Variants in CNTNAP4 observed in about 807,000 individuals in gnomAD.
CNTNAP4 encodes the protein contactin associated protein family member 4, also known as contactin-associated protein-like 4.
Under a neutral mutation model 148.4 loss-of-function variants are expected in CNTNAP4, and 98 were observed. That is an observed-to-expected ratio of 0.66 (90% CI 0.56 to 0.78). The LOEUF is 0.78. CNTNAP4 is among the 30% of genes least tolerant of loss of function. The probability of loss-of-function intolerance (pLI) is 0.00; values close to 1 mark genes in which losing one functional copy is unlikely to be tolerated. For synonymous variants in CNTNAP4, 730 were observed against 565.1 expected (o/e 1.29, Z -4.14); for missense variants, 1,935 against 1,565.6 (o/e 1.24, Z -3.98).
chr16:76,439,966 A>G (rs969594338), intron 4 of CNTNAP4, among the ~76,000 whole-genome samples: 2 of 152,130 alleles, frequency 1.3e-5, no homozygotes, highest in African/African-American at 2.4e-5. Context: ...TGCTACTTTA[A>G]TATTTCACTA....
intron 2 of CNTNAP4, among the ~76,000 whole-genome samples, chr16:76,345,307 T>G (rs1348056797): frequency 6.6e-6 from 1 of 152,188 alleles, no homozygotes; most frequent in Non-Finnish European, 1.5e-5. Flanking sequence ...AGGCTCTGAC[T>G]GTTGAATGGT....
chr16:76,352,914 C>T (rs1227512446), intron 2 of CNTNAP4, among the ~76,000 whole-genome samples: 3 of 152,076 alleles, frequency 2.0e-5, no homozygotes, highest in African/African-American at 4.8e-5. Flanking sequence ...GTACCCTTCA[C>T]GGACAGCAGG....
chr16:76,383,664 G>C (rs1034766368), intron 3 of CNTNAP4, among the ~76,000 whole-genome samples: 3 of 152,124 alleles, frequency 2.0e-5, no homozygotes, highest in Non-Finnish European at 4.4e-5. Flanking sequence ...TGATAATACA[G>C]AACTATTGTG....
intron 15 of CNTNAP4, among the ~76,000 whole-genome samples, chr16:76,516,418 T>G (rs1395924635): frequency 6.6e-6 from 1 of 152,220 alleles, no homozygotes; most frequent in Non-Finnish European, 1.5e-5. Context: ...TGCAAATGAT[T>G]TATAATTCTT....
intron 1 of CNTNAP4, among the ~76,000 whole-genome samples, chr16:76,283,718 A>T (rs1400409999): frequency 1.3e-5 from 2 of 151,978 alleles, no homozygotes; most frequent in Non-Finnish European, 2.9e-5. Context: ...TACTAGGCTT[A>T]ATACCTGAGT....
intron 15 of CNTNAP4, among the ~76,000 whole-genome samples, chr16:76,500,666 A>G (rs2082602554): frequency 6.6e-6 from 1 of 150,896 alleles, no homozygotes; most frequent in African/African-American, 2.4e-5. Context: ...ACTTTAAACC[A>G]GTGGTGCATG....
At chr16:76,280,010 T>C (rs1958627365) in intron 1 of CNTNAP4, among the ~76,000 whole-genome samples, 1 of 152,182 alleles carries the variant, frequency 6.6e-6, no homozygotes, top group African/African-American at 2.4e-5. Context: ...AACCAGCATA[T>C]GCATTTCTAA....
At chr16:76,336,028 G>T (rs1161903892) in intron 2 of CNTNAP4, among the ~76,000 whole-genome samples, 1 of 152,084 alleles carries the variant, frequency 6.6e-6, no homozygotes, top group Non-Finnish European at 1.5e-5. Context: ...CTCCAGGGTT[G>T]ATGGAAAGGT....
chr16:76,462,017 G>C lies in CNTNAP4; in HGVS notation c.1395G>C (p.Leu465Phe). The part of the protein sequence containing the change: ...SVSLSAKKNH[L>F]SVAVDGQMAS... ...CTTTATCTGCTAAAAAGAATCACTT[G>C]AGTGTGGCGGTGGACGGCCAGATGG... is the stretch of plus-strand genomic sequence containing the variant. Residue 465 changes from leucine to phenylalanine, a missense_variant, in exon 9 of 24, where the codon TTG becomes TTC. Transcript: ENST00000611870. The C allele has an allele frequency of 6.2e-7, 1 of 1,613,864 alleles. No homozygotes were observed. Among genetic ancestry groups the C allele is most frequent in the African/African-American group, 1.3e-5 (1 of 75,034 alleles).
rs1022831105 is a variant in CNTNAP4 at position 76,503,079 on chromosome 16, C to G, written c.2365+4385C>G. Among the ~76,000 whole-genome samples the G allele has an allele frequency of 3.9e-5, 6 of 152,090 alleles. No individual in the cohort carries two copies. The East Asian group carries it at 9.6e-4, about 24-fold the overall frequency. ...TATTATTGTTGATATCAGAAATCAACTAGCAAACTAGGAAATAAGAGAACT... is the reference window on the plus strand; with the variant it reads ...TATTATTGTTGATATCAGAAATCAAGTAGCAAACTAGGAAATAAGAGAACT... On this transcript the variant is annotated intron_variant, in intron 15 of 23. Transcript: ENST00000611870.
chr16:76,551,732 T>G (rs1002338626), intron 21 of CNTNAP4, among the ~76,000 whole-genome samples: 1 of 152,232 alleles, frequency 6.6e-6, no homozygotes, highest in Non-Finnish European at 1.5e-5. Context: ...GCAAATCTTT[T>G]AGAACACTGG....
chr16:76,307,504 A>ATG (rs1491107646), intron 1 of CNTNAP4, among the ~76,000 whole-genome samples: 2 of 7,314 alleles, frequency 2.7e-4, no homozygotes, highest in African/African-American at 8.9e-4. Flanking sequence ...TTTTAAATGC[A>ATG]TATATATATA....
intron 11 of CNTNAP4, 109 bp downstream of exon 11, chr16:76,476,154 A>G: frequency 2.9e-6 from 2 of 694,058 alleles, no homozygotes; most frequent in South Asian, 3.9e-5. Context: ...CTCAGCATCC[A>G]GTGGTTAATC....
chr16:76,277,831 C>A, intron 1 of CNTNAP4, 84 bp downstream of exon 1: 2 of 877,974 alleles, frequency 2.3e-6, no homozygotes, highest in Non-Finnish European at 3.7e-6. Context: ...TGATTATTTG[C>A]AGCTGGGATT....
intron 18 of CNTNAP4, among the ~76,000 whole-genome samples, chr16:76,536,036 G>A (rs1334304847): frequency 2.0e-5 from 3 of 152,130 alleles, no homozygotes; most frequent in African/African-American, 7.2e-5. Context: ...AGTGTTTGTT[G>A]ATGGTAAATC....
chr16:76,286,630 T>C (rs1958898240), intron 1 of CNTNAP4, among the ~76,000 whole-genome samples: 1 of 152,084 alleles, frequency 6.6e-6, no homozygotes, highest in Admixed American at 6.6e-5. Context: ...ACTAGATAAA[T>C]TGAAGCATAA....
chr16:76,371,764 A>G (rs548514768), intron 3 of CNTNAP4, among the ~76,000 whole-genome samples: 6 of 152,330 alleles, frequency 3.9e-5, no homozygotes, highest in African/African-American at 1.2e-4. Flanking sequence ...CAGGTGTTTA[A>G]TTGTTGCTCT....
intron 2 of CNTNAP4, among the ~76,000 whole-genome samples, chr16:76,341,766 A>G (rs547731678): frequency 2.6e-4 from 40 of 152,342 alleles, no homozygotes; most frequent in African/African-American, 9.6e-4. Context: ...AGCCACAAGC[A>G]TGAGATGTGT....
chr16:76,322,583 G>A (rs551949592), intron 2 of CNTNAP4, among the ~76,000 whole-genome samples: 5 of 152,208 alleles, frequency 3.3e-5, no homozygotes, highest in Non-Finnish European at 5.9e-5. Context: ...AATTTCCTAC[G>A]GGAAGAGCAG....
Sources: gnomAD v4.1 joint callset for allele counts (sites outside exome capture counted in the v4.1 genomes callset) on GRCh38, gnomAD v4.1.1 for gene constraint, MANE v1.5 for transcripts, NCBI Gene and HGNC (gene_info 2026-07-23, HGNC 2026-07-21) for gene names.